DYM: variants seen among roughly 807,000 people sequenced by gnomAD.
The protein encoded by DYM is dyggve-Melchior-Clausen syndrome protein.
Under a neutral mutation model 93.1 loss-of-function variants are expected in DYM, and 78 were observed. That is an observed-to-expected ratio of 0.84 (90% CI 0.70 to 1.01). The LOEUF (loss-of-function observed/expected upper bound fraction) is 1.01. DYM is among the 50% of genes least tolerant of loss of function. The pLI is 0.00. For synonymous variants in DYM, 321 were observed against 319.7 expected, an observed-to-expected ratio of 1.00 and a Z score of -0.04; for missense variants, 789 against 845.0, an observed-to-expected ratio of 0.93 and a Z score of 0.82.
intron 1 of DYM, among the ~76,000 whole-genome samples, chr18:49,443,629 A>T (rs894222837): frequency 1.3e-5 from 2 of 152,218 alleles, no homozygotes; most frequent in Non-Finnish European, 2.9e-5. Flanking sequence ...TCATCACAAT[A>T]TCCCGATATG....
chr18:49,302,793 G>A (rs117635358), intron 8 of DYM, among the ~76,000 whole-genome samples: 18 of 152,236 alleles, frequency 1.2e-4, no homozygotes, highest in East Asian at 1.2e-3. Context: ...AGAATGCTAC[G>A]CAGATTTGCA....
intron 15 of DYM, among the ~76,000 whole-genome samples, chr18:49,156,979 G>C (rs1423206408): frequency 6.6e-6 from 1 of 151,864 alleles, no homozygotes; most frequent in Non-Finnish European, 1.5e-5. Context: ...GCAGCTGGTT[G>C]ACAGGAAGCC....
chr18:49,039,830 C>T lies in DYM; in HGVS notation c.*4225G>A, dbSNP rs566819020. Among the ~76,000 whole-genome samples, 90 of 152,298 alleles carry T rather than the reference C, an allele frequency of 5.9e-4. No individual in the cohort carries two copies. The highest frequency in any genetic ancestry group is 2.0e-3 in the African/African-American group (85 of 41,552). Reference sequence around the variant, plus strand: ...GTAACCATAGCTGTTTTAAATTCTGCGACAACTTTATCTGGAGTCTGTTTG... The same window carrying T: ...GTAACCATAGCTGTTTTAAATTCTGTGACAACTTTATCTGGAGTCTGTTTG... On this transcript the variant is annotated 3_prime_UTR_variant, in exon 18 of 18. Transcript: ENST00000675505.
In DYM at chr18:49,195,916, C is replaced by CTTTTTTTTTTTT. The variant is rs540189318; in HGVS notation, c.1625+13623_1625+13634dup. ...ATTATGCTCTCTTGAATGCTACCAT[C>CTTTTTTTTTTTT]TTTTTTTTTTTTTTTTTTTTTTTTT... On this transcript the variant is annotated intron_variant, in intron 14 of 17. Coordinates refer to ENST00000675505, the MANE Select transcript of DYM (RefSeq NM_001353214.3). Among the ~76,000 whole-genome samples the CTTTTTTTTTTTT allele has an allele frequency of 2.2e-3, 186 of 84,030 alleles. 28 individuals are homozygous for CTTTTTTTTTTTT. Among genetic ancestry groups the CTTTTTTTTTTTT allele is most frequent in the African/African-American group, 9.8e-3 (174 of 17,740 alleles). The allele number at this position is 84,030 out of a possible 152,430, so 55.1% of individuals were successfully genotyped here. A position where few individuals can be genotyped will look rare whatever the true frequency, so the allele number is the denominator to read the frequency against.
At chr18:49,168,775 G>A (rs2088255254) in intron 14 of DYM, among the ~76,000 whole-genome samples, 1 of 152,180 alleles carries the variant, frequency 6.6e-6, no homozygotes, top group African/African-American at 2.4e-5. Flanking sequence ...GGAGAACAGG[G>A]GGAAGATTAG....
chr18:49,199,188 T>TG (rs1301636798), intron 14 of DYM, among the ~76,000 whole-genome samples: 11 of 151,942 alleles, frequency 7.2e-5, no homozygotes, highest in African/African-American at 2.7e-4. Flanking sequence ...TGAGAACACT[T>TG]GGACACAGGA....
Position 49,209,688 on chromosome 18 carries a change from A to T in DYM, c.1488T>A (p.Tyr496Ter), listed in dbSNP as rs370108675. 3.3e-5 allele frequency: 43 copies of T among 1,285,440 alleles called. No individual in the cohort carries two copies. In the South Asian group the frequency reaches 5.0e-4, roughly 15 times the overall value. 79.6% of individuals were successfully genotyped at this position (1,285,440 alleles called of 1,614,324 possible). The stretch of plus-strand genomic sequence containing the variant: ...AATACAGTTTGTCCAACACATAAAC[A>T]TATCTCCGCAAGTGGCGGCAGGTAT... ...ISYTCRHLRR[Y>*]VYVLDKLYFP... is the part of the protein sequence containing the mutation. Residue 496 changes from tyrosine (Y) to a stop codon, truncating the protein, a stop_gained, in exon 14 of 18, where the codon TAT (tyrosine) becomes TAA (stop). Transcript: ENST00000675505. LOFTEE classifies it high-confidence loss of function.
At chr18:49,358,650 G>C (rs955063388) in intron 6 of DYM, among the ~76,000 whole-genome samples, 1 of 152,134 alleles carries the variant, frequency 6.6e-6, no homozygotes, top group African/African-American at 2.4e-5. Flanking sequence ...TGAGTTCACA[G>C]GTTCATAAGA....
Position 49,297,723 on chromosome 18 carries a change from C to T in DYM, c.764-11107G>A, listed in dbSNP as rs146531369. ...TACTTTGATTTCTAAAATGAACACACAACAAAAGAAACAATAAAATTTAAT... is the reference window on the plus strand; with the variant it reads ...TACTTTGATTTCTAAAATGAACACATAACAAAAGAAACAATAAAATTTAAT... On this transcript the variant is annotated intron_variant, in intron 8 of 17. Transcript: ENST00000675505. Among the ~76,000 whole-genome samples, 10 of 149,496 alleles carry T rather than the reference C, an allele frequency of 6.7e-5. No individual in the cohort carries two copies. The East Asian group carries it at 1.4e-3, about 20-fold the overall frequency.
intron 2 of DYM, among the ~76,000 whole-genome samples, chr18:49,395,566 T>C (rs1265209847): frequency 6.6e-6 from 1 of 151,326 alleles, no homozygotes; most frequent in Non-Finnish European, 1.5e-5. Flanking sequence ...GAGGCAGAGG[T>C]TGTGGTGAGC....
chr18:49,264,750 T>TA (rs1189300096), intron 11 of DYM, among the ~76,000 whole-genome samples: 1 of 152,226 alleles, frequency 6.6e-6, no homozygotes, highest in African/African-American at 2.4e-5. Flanking sequence ...GGAATAAATG[T>TA]GTCACATCTC....
chr18:49,081,249 C>T (rs2077978884), intron 17 of DYM, among the ~76,000 whole-genome samples: 2 of 151,028 alleles, frequency 1.3e-5, no homozygotes, highest in African/African-American at 4.9e-5. Flanking sequence ...CGTCTGCAAT[C>T]CCGGCACCTC....
At chr18:49,350,730 A>AG (rs1387803657) in intron 6 of DYM, among the ~76,000 whole-genome samples, 1 of 151,414 alleles carries the variant, frequency 6.6e-6, no homozygotes, top group Non-Finnish European at 1.5e-5. Context: ...AAAAAAGAAA[A>AG]AAAAAAAAAA....
In DYM at chr18:49,257,064, T is replaced by C; in HGVS notation, c.1406A>G (p.Asn469Ser). ...GAGAGAACGAAACTGTGCCGACATA[T>C]TTGCTAAAGCTGCCAAACAATTTGT... ...LHTNCLAALA[N>S]MSAQFRSLHQ... Residue 469 changes from asparagine (N) to serine (S), a missense_variant, in exon 13 of 18, where the codon AAT becomes AGT. Physicochemically the swap from Asn to Ser is conservative, Grantham distance 46. Around this residue, in one of 3 missense-constraint regions of DYM, gnomAD observed 225 missense variants for 303.0 expected, o/e 0.74. Coordinates refer to ENST00000675505, the MANE Select transcript of DYM (RefSeq NM_001353214.3). The C allele has an allele frequency of 1.2e-6, 2 of 1,614,018 alleles. No homozygotes were observed. The highest frequency in any genetic ancestry group is 2.2e-5 in the East Asian group (1 of 44,848).
At chr18:49,110,195 C>T (rs1357799359) in intron 16 of DYM, among the ~76,000 whole-genome samples, 1 of 152,158 alleles carries the variant, frequency 6.6e-6, no homozygotes, top group Non-Finnish European at 1.5e-5. Flanking sequence ...AAAATATTTA[C>T]AATCTGCTCA....
intron 17 of DYM, among the ~76,000 whole-genome samples, chr18:49,065,983 T>C (rs551195786): frequency 2.0e-5 from 3 of 152,240 alleles, no homozygotes; most frequent in South Asian, 4.2e-4. Context: ...TTGTTCACTT[T>C]TTAAGTAAAG....
chr18:49,069,231 CAGCATTTACA>C (rs938795138), intron 17 of DYM, among the ~76,000 whole-genome samples: 1 of 152,172 alleles, frequency 6.6e-6, no homozygotes, highest in African/African-American at 2.4e-5. Context: ...ACATTAAAGT[CAGCATTTACA>C]AGAATCTTGC....
At chr18:49,451,956 G>A (rs1028488429) in intron 1 of DYM, among the ~76,000 whole-genome samples, 1 of 152,184 alleles carries the variant, frequency 6.6e-6, no homozygotes, top group Non-Finnish European at 1.5e-5. Context: ...GGATACCTTG[G>A]CAAATAAAAT....
At chr18:49,088,989 G>A (rs2078807978) in intron 17 of DYM, among the ~76,000 whole-genome samples, 3 of 152,220 alleles carry the variant, frequency 2.0e-5, no homozygotes, top group South Asian at 4.1e-4. Flanking sequence ...GTAGAGATGA[G>A]GTCTTGTTAT....
Sources: gnomAD v4.1 joint callset for allele counts (sites outside exome capture counted in the v4.1 genomes callset) on GRCh38, gnomAD v4.1.1 for gene constraint, gnomAD v4.1.1 regional missense constraint, MANE v1.5 for transcripts, NCBI Gene and HGNC (gene_info 2026-07-23, HGNC 2026-07-21) for gene names.